Variants in ARHGAP21 observed in about 807,000 individuals in gnomAD.
The protein encoded by ARHGAP21 is Rho GTPase activating protein 21.
Under a neutral mutation model 164.6 loss-of-function variants are expected in ARHGAP21, and 38 were observed. That is an observed-to-expected ratio of 0.23 (90% CI 0.18 to 0.30). The LOEUF (loss-of-function observed/expected upper bound fraction) is 0.30, where lower values mean the gene tolerates loss of function less well. Ranked by LOEUF, ARHGAP21 falls within the 10% of genes least tolerant of loss-of-function variation. ARHGAP21 has a pLI of 1.00. For missense variants in ARHGAP21, 1,822 were observed against 2,370.7 expected, an observed-to-expected ratio of 0.77 and a Z score of 4.81; for synonymous variants, 766 against 857.9, an observed-to-expected ratio of 0.89 and a Z score of 1.87.
intron 2 of ARHGAP21, among the ~76,000 whole-genome samples, chr10:24,689,383 G>A (rs529236807): frequency 1.3e-5 from 2 of 152,094 alleles, no homozygotes; most frequent in African/African-American, 2.4e-5. Context: ...GTCATTCCCC[G>A]TCTAGAGAAA....
intron 4 of ARHGAP21, among the ~76,000 whole-genome samples, chr10:24,651,082 C>T (rs2131547866): frequency 6.6e-6 from 1 of 152,282 alleles, no homozygotes; most frequent in Non-Finnish European, 1.5e-5. Context: ...AGAAAAAGGC[C>T]AACCATGTCA....
At chr10:24,648,797 AT>A (rs1454980525) in intron 4 of ARHGAP21, 35 of 981,552 alleles carry the variant, frequency 3.6e-5, no homozygotes, top group East Asian at 1.1e-4. Context: ...AAAAAAAAAA[AT>A]CATCATAGGT....
intron 2 of ARHGAP21, among the ~76,000 whole-genome samples, chr10:24,715,941 G>A (rs950255174): frequency 1.3e-5 from 2 of 152,176 alleles, no homozygotes; most frequent in African/African-American, 2.4e-5. Flanking sequence ...CCTGGGAGGC[G>A]GAGGTTGCTG....
At chr10:24,688,207 A>C (rs1300026215) in intron 2 of ARHGAP21, among the ~76,000 whole-genome samples, 1 of 152,230 alleles carries the variant, frequency 6.6e-6, no homozygotes, top group Non-Finnish European at 1.5e-5. Flanking sequence ...CCTGGCCAAC[A>C]TGGCGAAACC....
intron 9 of ARHGAP21, among the ~76,000 whole-genome samples, chr10:24,618,175 C>T (rs1247846905): frequency 6.6e-6 from 1 of 152,164 alleles, no homozygotes; most frequent in Non-Finnish European, 1.5e-5. Flanking sequence ...TTTAGAGCTG[C>T]ACAGTCATGA....
intron 2 of ARHGAP21, among the ~76,000 whole-genome samples, chr10:24,710,543 G>T (rs1290700784): frequency 6.6e-6 from 1 of 151,992 alleles, no homozygotes; most frequent in African/African-American, 2.4e-5. Context: ...GCTTCCCATT[G>T]CCCATGTATA....
At chr10:24,643,753 A>AT (rs1348111098) in intron 4 of ARHGAP21, among the ~76,000 whole-genome samples, 52 of 152,336 alleles carry the variant, frequency 3.4e-4, no homozygotes, top group African/African-American at 1.1e-3. Flanking sequence ...ATAAAACTGC[A>AT]GGACAAGCAT....
At chr10:24,668,835 A>G (rs1383774862) in intron 3 of ARHGAP21, among the ~76,000 whole-genome samples, 3 of 152,192 alleles carry the variant, frequency 2.0e-5, no homozygotes, top group Admixed American at 6.6e-5. Flanking sequence ...ACATGTTTAT[A>G]TAAGTTTGGT....
intron 4 of ARHGAP21, among the ~76,000 whole-genome samples, chr10:24,658,479 C>G (rs1301505459): frequency 6.6e-6 from 1 of 152,210 alleles, no homozygotes. Flanking sequence ...CACATGTACA[C>G]CATGGAATAC....
rs1395769644 is a variant in ARHGAP21 at position 24,676,343 on chromosome 10, A to G, written c.64-5946T>C. Among the ~76,000 whole-genome samples, 3 of 152,386 alleles carry G rather than the reference A, an allele frequency of 2.0e-5. No homozygotes were observed. In the South Asian group the frequency reaches 6.2e-4, roughly 32 times the overall value. On this transcript the variant is annotated intron_variant, in intron 2 of 25. Coordinates refer to ENST00000396432, the MANE Select transcript of ARHGAP21 (RefSeq NM_020824.4). Reference sequence around the variant, plus strand: ...ATGTGCAGTTTTGTTACAAAAGTGTACTGCATTACTGCATGCTGCTGAGGA... The same window carrying G: ...ATGTGCAGTTTTGTTACAAAAGTGTGCTGCATTACTGCATGCTGCTGAGGA...
intron 25 of ARHGAP21, among the ~76,000 whole-genome samples, chr10:24,587,547 G>C (rs1197684403): frequency 6.6e-6 from 1 of 152,150 alleles, no homozygotes; most frequent in Non-Finnish European, 1.5e-5. Flanking sequence ...ACAGAACTTT[G>C]TTTTTACAAG....
At chr10:24,648,446 G>A (rs1837805538) in intron 4 of ARHGAP21, among the ~76,000 whole-genome samples, 3 of 152,150 alleles carry the variant, frequency 2.0e-5, no homozygotes, top group Non-Finnish European at 4.4e-5. Flanking sequence ...TCTCTTTCAA[G>A]CAAAGTTCCA....
intron 4 of ARHGAP21, among the ~76,000 whole-genome samples, chr10:24,665,770 C>G (rs1163204120): frequency 1.3e-5 from 2 of 152,042 alleles, no homozygotes; most frequent in Non-Finnish European, 2.9e-5. Context: ...ACACGTATGA[C>G]CTTGAACTAG....
chr10:24,606,119 AAAGT>A (rs1270179221), intron 11 of ARHGAP21, among the ~76,000 whole-genome samples: 2 of 152,192 alleles, frequency 1.3e-5, no homozygotes, highest in Non-Finnish European at 2.9e-5. Context: ...AAAAAAATAA[AAAGT>A]AAACATAAAT....
Position 24,624,861 on chromosome 10 carries a change from A to G in ARHGAP21, c.496-2099T>C, listed in dbSNP as rs115168973. On this transcript the variant is annotated intron_variant, in intron 7 of 25. Transcript: ENST00000396432. ...CTAGCTCTTGTGAATTCAACAGAAT[A>G]TGACAAAACATTTTTAGCCATTTTT... 3.5e-4 allele frequency among the ~76,000 whole-genome samples: 53 copies of G among 152,220 alleles called. 1 individual carries two copies. Among genetic ancestry groups the G allele is most frequent in the African/African-American group, 1.3e-3 (53 of 41,518 alleles).
At chr10:24,587,597 G>C (rs1428469283) in intron 25 of ARHGAP21, among the ~76,000 whole-genome samples, 1 of 152,162 alleles carries the variant, frequency 6.6e-6, no homozygotes, top group Non-Finnish European at 1.5e-5. Context: ...ATTTCTAATG[G>C]TTATTTACAT....
chr10:24,673,662 G>T (rs1238189921), intron 2 of ARHGAP21, among the ~76,000 whole-genome samples: 3 of 151,962 alleles, frequency 2.0e-5, no homozygotes, highest in Non-Finnish European at 4.4e-5. Flanking sequence ...AGGAGTTCGA[G>T]ACCAGCCTGG....
intron 7 of ARHGAP21, 49 bp downstream of exon 7, chr10:24,629,946 CG>C (rs1252693597): frequency 7.0e-6 from 9 of 1,289,528 alleles, no homozygotes. Context: ...AAATATTTTC[CG>C]AACATTCATG....
At chr10:24,588,716 T>C (rs2076208536) in intron 25 of ARHGAP21, among the ~76,000 whole-genome samples, 2 of 152,212 alleles carry the variant, frequency 1.3e-5, no homozygotes, top group African/African-American at 2.4e-5. Context: ...CTCAAAAAGT[T>C]GTGTAATTGA....
Sources: gnomAD v4.1 joint callset for allele counts (sites outside exome capture counted in the v4.1 genomes callset) on GRCh38, gnomAD v4.1.1 for gene constraint, MANE v1.5 for transcripts, NCBI Gene and HGNC (gene_info 2026-07-23, HGNC 2026-07-21) for gene names.